WWOX: variants seen among roughly 807,000 people sequenced by gnomAD.
WWOX encodes WW domain containing oxidoreductase.
In WWOX, 69 loss-of-function variants were observed where a neutral mutation model predicts 46.2. The ratio of observed to expected loss-of-function variants is 1.49; its 90% CI spans 1.23 to 1.82. WWOX has a LOEUF of 1.82. WWOX is among the 40% of genes most tolerant of loss of function. The pLI, the probability that WWOX is intolerant of heterozygous loss-of-function variation, is 0.00. For missense variants in WWOX, 919 were observed against 542.6 expected (o/e 1.69, Z -6.89); for synonymous variants, 359 against 202.6 (o/e 1.77, Z -6.56).
intron 5 of WWOX, among the ~76,000 whole-genome samples, chr16:78,359,471 G>T (rs909274038): frequency 6.6e-6 from 1 of 152,018 alleles, no homozygotes; most frequent in Non-Finnish European, 1.5e-5. Flanking sequence ...ATAAAGGATC[G>T]ATAGTTGGTA....
chr16:78,513,215 TAATAA>T (rs2085406104), intron 8 of WWOX, among the ~76,000 whole-genome samples: 2 of 152,222 alleles, frequency 1.3e-5, no homozygotes, highest in African/African-American at 4.8e-5. Context: ...ATTGACAAAT[TAATAA>T]AATAAATTAT....
At chr16:78,545,669 G>A (rs1030375818) in intron 8 of WWOX, among the ~76,000 whole-genome samples, 5 of 152,148 alleles carry the variant, frequency 3.3e-5, no homozygotes, top group Admixed American at 6.5e-5. Context: ...ATTTGCTATG[G>A]CTAACATGAC....
At chr16:78,902,281 T>A (rs2151243448) in intron 8 of WWOX, among the ~76,000 whole-genome samples, 1 of 152,330 alleles carries the variant, frequency 6.6e-6, no homozygotes, top group African/African-American at 2.4e-5. Flanking sequence ...TGTATCTTTT[T>A]CAGAACTGCA....
chr16:78,521,983 T>A (rs2043357858), intron 8 of WWOX, among the ~76,000 whole-genome samples: 1 of 152,070 alleles, frequency 6.6e-6, no homozygotes, highest in South Asian at 2.1e-4. Context: ...ATTTTGCAAG[T>A]TTTCAGGAAA....
At chr16:78,848,635 T>C (rs1427072723) in intron 8 of WWOX, among the ~76,000 whole-genome samples, 2 of 152,078 alleles carry the variant, frequency 1.3e-5, no homozygotes, top group Non-Finnish European at 2.9e-5. Flanking sequence ...AGTGGCCAAA[T>C]TTAGCCTAAT....
intron 8 of WWOX, among the ~76,000 whole-genome samples, chr16:78,568,740 G>A (rs780669283): frequency 5.3e-5 from 8 of 152,120 alleles, no homozygotes; most frequent in Non-Finnish European, 1.0e-4. Context: ...CTCCCAAAGT[G>A]CTGGGATTGC....
chr16:78,357,574 G>C (rs2081323756), intron 5 of WWOX, among the ~76,000 whole-genome samples: 1 of 152,006 alleles, frequency 6.6e-6, no homozygotes, highest in South Asian at 2.1e-4. Context: ...ACGTGGTCTG[G>C]GACACATTTG....
At chr16:78,972,258 G>A (rs1373077770) in intron 8 of WWOX, among the ~76,000 whole-genome samples, 7 of 152,150 alleles carry the variant, frequency 4.6e-5, no homozygotes, top group Admixed American at 4.6e-4. Context: ...TAATGTTGCT[G>A]TTTGTAACAT....
At chr16:78,205,030 G>C (rs2036348262) in intron 5 of WWOX, among the ~76,000 whole-genome samples, 1 of 152,164 alleles carries the variant, frequency 6.6e-6, no homozygotes, top group South Asian at 2.1e-4. Flanking sequence ...TTTTGTTGAA[G>C]ACACTCTTAT....
chr16:78,509,051 G>C (rs184960788), intron 8 of WWOX, among the ~76,000 whole-genome samples: 1 of 152,384 alleles, frequency 6.6e-6, no homozygotes, highest in East Asian at 1.9e-4. Context: ...GTGCACACCT[G>C]CCTGCCCTTG....
chr16:78,779,265 C>T (rs1433970075), intron 8 of WWOX, among the ~76,000 whole-genome samples: 2 of 152,186 alleles, frequency 1.3e-5, no homozygotes, highest in African/African-American at 4.8e-5. Context: ...CCATCTCAGC[C>T]TCCTGAGTAG....
intron 5 of WWOX, among the ~76,000 whole-genome samples, chr16:78,313,943 C>T (rs571203394): frequency 2.1e-4 from 32 of 152,250 alleles, no homozygotes; most frequent in African/African-American, 7.0e-4. Context: ...CCCTTATATC[C>T]GTGCTGACAC....
intron 8 of WWOX, among the ~76,000 whole-genome samples, chr16:78,944,612 A>G (rs1175149792): frequency 2.0e-5 from 3 of 152,180 alleles, no homozygotes; most frequent in Admixed American, 6.5e-5. Context: ...CAAAGATCAT[A>G]CTGGGATCTT....
chr16:78,575,058 T>C (rs1285434478), intron 8 of WWOX, among the ~76,000 whole-genome samples: 4 of 16,948 alleles, frequency 2.4e-4, no homozygotes, highest in Admixed American at 1.1e-3. Flanking sequence ...TATATATATA[T>C]ATATATATAT....
intron 8 of WWOX, among the ~76,000 whole-genome samples, chr16:78,719,271 A>G (rs148084582): frequency 5.9e-5 from 9 of 152,070 alleles, no homozygotes; most frequent in African/African-American, 1.9e-4. Context: ...ACGGGTGACC[A>G]TGGCTGAAGG....
At chr16:78,908,540 G>GC (rs1567641375) in intron 8 of WWOX, among the ~76,000 whole-genome samples, 2 of 22,392 alleles carry the variant, frequency 8.9e-5, no homozygotes, top group African/African-American at 1.2e-4. Context: ...ACTCTGTCTC[G>GC]GAAAAAAAAA....
At chr16:78,791,096 C>T (rs1028666208) in intron 8 of WWOX, among the ~76,000 whole-genome samples, 1 of 151,596 alleles carries the variant, frequency 6.6e-6, no homozygotes, top group Non-Finnish European at 1.5e-5. Flanking sequence ...ACACAGGGCC[C>T]CTGAAGGAAG....
chr16:79,165,600 G>C (rs2050578065), intron 8 of WWOX, among the ~76,000 whole-genome samples: 2 of 152,274 alleles, frequency 1.3e-5, no homozygotes, highest in South Asian at 4.1e-4. Flanking sequence ...CTAGTTCAGA[G>C]GCAGTGAAAG....
chr16:78,534,713 TATTTC>T (rs1427247186), intron 8 of WWOX, among the ~76,000 whole-genome samples: 1 of 151,452 alleles, frequency 6.6e-6, no homozygotes, highest in Non-Finnish European at 1.5e-5. Flanking sequence ...TTTATTTTTT[TATTTC>T]ATTTTATTTT....
Sources: gnomAD v4.1 joint callset for allele counts (sites outside exome capture counted in the v4.1 genomes callset) on GRCh38, gnomAD v4.1.1 for gene constraint, MANE v1.5 for transcripts, NCBI Gene and HGNC (gene_info 2026-07-23, HGNC 2026-07-21) for gene names.